The following BMP6 variants were observed in gnomAD, a reference collection of about 807,000 sequenced individuals.
BMP6 encodes bone morphogenetic protein 6.
BMP6 carries 17 observed loss-of-function variants against 54.1 expected under a neutral mutation model. The observed-to-expected ratio is 0.31, with a 90% CI of 0.22 to 0.47. BMP6 has a LOEUF of 0.47. Among genes scored for constraint, BMP6 ranks in the 20% least tolerant of loss-of-function variants. The pLI is 1.00. For missense variants in BMP6, 720 were observed against 690.4 expected, an observed-to-expected ratio of 1.04 and a Z score of -0.48; for synonymous variants, 328 against 291.2, an observed-to-expected ratio of 1.13 and a Z score of -1.28.
rs1275075294 is a variant in BMP6 at position 7,726,137 on chromosome 6, G to A, written c.-819G>A. Among the ~76,000 whole-genome samples, 1 of 152,210 alleles carries A rather than the reference G, an allele frequency of 6.6e-6. No homozygotes were observed. The highest frequency in any genetic ancestry group is 1.9e-4 in the East Asian group (1 of 5,178). ...TGGCCGCTGCGGGGAGCGCGGCGTG[G>A]AGAGGCGGGAGACCGAATTCCGGCG... is the stretch of plus-strand genomic sequence containing the variant. On this transcript the variant is annotated 5_prime_UTR_variant, in exon 1 of 7. Transcript: ENST00000283147.
chr6:7,855,575 T>G (rs1759215369), intron 2 of BMP6, among the ~76,000 whole-genome samples: 1 of 146,302 alleles, frequency 6.8e-6, no homozygotes, highest in South Asian at 2.3e-4. Flanking sequence ...TTTTTTTTTT[T>G]TTTTTGAGAT....
At chr6:7,841,158 C>T (rs1183717031) in intron 1 of BMP6, among the ~76,000 whole-genome samples, 1 of 152,120 alleles carries the variant, frequency 6.6e-6, no homozygotes, top group Non-Finnish European at 1.5e-5. Flanking sequence ...GATACTGAAA[C>T]TTTATTATTT....
intron 1 of BMP6, among the ~76,000 whole-genome samples, chr6:7,781,381 G>T (rs1757943235): frequency 7.0e-6 from 1 of 142,924 alleles, no homozygotes; most frequent in African/African-American, 2.5e-5. Flanking sequence ...GCTTCTTGGG[G>T]ATGTGGGCTG....
At chr6:7,781,741 C>T (rs1757951835) in intron 1 of BMP6, among the ~76,000 whole-genome samples, 1 of 151,440 alleles carries the variant, frequency 6.6e-6, no homozygotes, top group Non-Finnish European at 1.5e-5. Flanking sequence ...CCTGAACGAG[C>T]AAAAGCCAGT....
chr6:7,875,636 C>T (rs886776482), intron 4 of BMP6, among the ~76,000 whole-genome samples: 3 of 152,116 alleles, frequency 2.0e-5, no homozygotes, highest in African/African-American at 4.8e-5. Context: ...CCACTGTGCT[C>T]CAGCTTGCGT....
At chr6:7,730,979 C>A (rs1161420298) in intron 1 of BMP6, among the ~76,000 whole-genome samples, 1 of 152,178 alleles carries the variant, frequency 6.6e-6, no homozygotes, top group Non-Finnish European at 1.5e-5. Context: ...TTTGAAACAC[C>A]CCGAGCCTTG....
intron 1 of BMP6, among the ~76,000 whole-genome samples, chr6:7,777,781 T>G (rs1315447924): frequency 6.6e-6 from 1 of 151,832 alleles, no homozygotes; most frequent in Non-Finnish European, 1.5e-5. Context: ...CACCTTTATA[T>G]TTAGAGCTGG....
intron 1 of BMP6, among the ~76,000 whole-genome samples, chr6:7,783,137 G>C (rs904835458): frequency 3.3e-5 from 5 of 152,172 alleles, no homozygotes; most frequent in African/African-American, 1.2e-4. Context: ...CACTGGAGAG[G>C]ATGCACAGCA....
chr6:7,780,624 A>G (rs950707475), intron 1 of BMP6, among the ~76,000 whole-genome samples: 32 of 151,558 alleles, frequency 2.1e-4, no homozygotes, highest in Non-Finnish European at 5.9e-5. Context: ...TTTTTTTTAT[A>G]TGTCCCCCAG....
intron 1 of BMP6, among the ~76,000 whole-genome samples, chr6:7,789,746 C>T (rs1581248538): frequency 1.3e-5 from 2 of 152,112 alleles, no homozygotes; most frequent in Admixed American, 6.5e-5. Flanking sequence ...TTCTTAGACT[C>T]TCCCTGGCTG....
In BMP6 at chr6:7,726,573, G is replaced by T. The variant is rs1419896129; in HGVS notation, c.-383G>T. 6.6e-6 allele frequency among the ~76,000 whole-genome samples: 1 copy of T among 152,174 alleles called. No homozygotes were observed. The highest frequency in any genetic ancestry group is 6.5e-5 in the Admixed American group (1 of 15,286). ...CAGTCGCCAGGGAGAGCGCGGGGCA[G>T]CGCACGTGTGCGGCCAGCGAGGCCC... is the stretch of plus-strand genomic sequence containing the variant. On this transcript the variant is annotated 5_prime_UTR_variant, in exon 1 of 7. Transcript: ENST00000283147.
rs187274391 is a variant in BMP6 at position 7,774,718 on chromosome 6, C to G, written c.664+47099C>G. Among the ~76,000 whole-genome samples the G allele has an allele frequency of 8.5e-5, 13 of 152,318 alleles. No individual in the cohort carries two copies. In the East Asian group the frequency reaches 2.5e-3, roughly 29 times the overall value. On this transcript the variant is annotated intron_variant, in intron 1 of 6. Coordinates refer to ENST00000283147, the MANE Select transcript of BMP6 (RefSeq NM_001718.6). ...AGTGAGACTCCGTCAAAAAAAAGAT[C>G]AACACAATACATTTTCCTGGACCCT...
At chr6:7,790,793 C>G (rs1758090785) in intron 1 of BMP6, among the ~76,000 whole-genome samples, 1 of 152,138 alleles carries the variant, frequency 6.6e-6, no homozygotes, top group Admixed American at 6.5e-5. Flanking sequence ...GCCACATGGC[C>G]CAATACTCCT....
At chr6:7,789,930 T>C (rs1033605251) in intron 1 of BMP6, among the ~76,000 whole-genome samples, 1 of 152,038 alleles carries the variant, frequency 6.6e-6, no homozygotes. Context: ...TAAAATCAAG[T>C]CATTTTGATG....
At chr6:7,767,427 T>C (rs1409944003) in intron 1 of BMP6, among the ~76,000 whole-genome samples, 4 of 152,212 alleles carry the variant, frequency 2.6e-5, no homozygotes, top group Non-Finnish European at 5.9e-5. Flanking sequence ...TAGAGCAGTA[T>C]TCTCACCCTG....
At position 7,767,986 on chromosome 6, in the gene BMP6, G is replaced by C. The variant is rs945734647; in HGVS notation, c.664+40367G>C. On this transcript the variant is annotated intron_variant, in intron 1 of 6. Coordinates refer to ENST00000283147, the MANE Select transcript of BMP6 (RefSeq NM_001718.6). ...TTTTTCTTTAATGACCCTGTGCCCT[G>C]GGCTCAGTGGGTCTCAGGTTTTTTT... Among the ~76,000 whole-genome samples the C allele has an allele frequency of 5.3e-5, 8 of 152,212 alleles. No homozygotes were observed. The South Asian group carries it at 1.5e-3, about 28-fold the overall frequency.
intron 1 of BMP6, among the ~76,000 whole-genome samples, chr6:7,794,091 T>A (rs1274587268): frequency 1.3e-5 from 2 of 152,242 alleles, no homozygotes; most frequent in Non-Finnish European, 2.9e-5. Flanking sequence ...GTGGCACTGA[T>A]GCTCTTCACT....
chr6:7,752,333 C>T (rs1757438898), intron 1 of BMP6, among the ~76,000 whole-genome samples: 1 of 152,128 alleles, frequency 6.6e-6, no homozygotes, highest in African/African-American at 2.4e-5. Context: ...TAATCTAGGT[C>T]CTGAAAATGA....
intron 1 of BMP6, among the ~76,000 whole-genome samples, chr6:7,746,445 C>T (rs909837429): frequency 6.6e-6 from 1 of 152,074 alleles, no homozygotes; most frequent in African/African-American, 2.4e-5. Flanking sequence ...TAGGTAACAT[C>T]CCCCCTCCCG....
Sources: allele counts gnomAD v4.1 joint callset (sites outside exome capture counted in the v4.1 genomes callset), GRCh38; gene constraint gnomAD v4.1.1; transcripts MANE v1.5; gene names NCBI Gene and HGNC (gene_info 2026-07-23, HGNC 2026-07-21).